The following GPM6A variants were observed in gnomAD, a reference collection of about 807,000 sequenced individuals.
GPM6A encodes glycoprotein M6A, also known as neuronal membrane glycoprotein M6-a.
A neutral mutation model predicts 32.1 loss-of-function variants in GPM6A; 7 were observed. The ratio of observed to expected loss-of-function variants is 0.22; its 90% CI spans 0.12 to 0.41. The LOEUF (loss-of-function observed/expected upper bound fraction) is 0.41. Among genes scored for constraint, GPM6A ranks in the 10% least tolerant of loss-of-function variants. GPM6A has a pLI of 1.00. For missense variants in GPM6A, 235 were observed against 347.2 expected (o/e 0.68, Z 2.57); for synonymous variants, 130 against 123.4 (o/e 1.05, Z -0.35).
chr4:175,791,522 C>T (rs1223585562), intron 1 of GPM6A, among the ~76,000 whole-genome samples: 1 of 152,000 alleles, frequency 6.6e-6, no homozygotes, highest in African/African-American at 2.4e-5. Flanking sequence ...ATAAATGTCC[C>T]TATATGTAAA....
intron 1 of GPM6A, among the ~76,000 whole-genome samples, chr4:175,826,295 C>T (rs988678782): frequency 2.6e-5 from 4 of 151,658 alleles, no homozygotes; most frequent in African/African-American, 9.7e-5. Flanking sequence ...TTCTCTCTCT[C>T]TCTCTCTCTC....
At chr4:175,867,802 A>G (rs966432373) in intron 1 of GPM6A, among the ~76,000 whole-genome samples, 5 of 152,206 alleles carry the variant, frequency 3.3e-5, no homozygotes, top group Non-Finnish European at 7.3e-5. Flanking sequence ...ATGAAAGGCT[A>G]CAGCCGATTG....
intron 1 of GPM6A, among the ~76,000 whole-genome samples, chr4:175,970,224 G>C (rs921886155): frequency 6.6e-6 from 1 of 152,036 alleles, no homozygotes. Context: ...TGATTTTTTG[G>C]CTTTTAAACA....
intron 1 of GPM6A, among the ~76,000 whole-genome samples, chr4:175,731,204 C>T (rs1295892815): frequency 1.3e-5 from 2 of 152,172 alleles, no homozygotes; most frequent in African/African-American, 4.8e-5. Flanking sequence ...ACTCTTTGTT[C>T]TGTGGCCCCT....
chr4:175,903,316 GATAA>G (rs1327720032), intron 1 of GPM6A, among the ~76,000 whole-genome samples: 1 of 151,722 alleles, frequency 6.6e-6, no homozygotes, highest in Non-Finnish European at 1.5e-5. Context: ...TAAATTAATA[GATAA>G]ATAAATAGAA....
At chr4:175,889,078 G>A (rs1386896384) in intron 1 of GPM6A, among the ~76,000 whole-genome samples, 1 of 152,056 alleles carries the variant, frequency 6.6e-6, no homozygotes, top group Non-Finnish European at 1.5e-5. Flanking sequence ...AAACTATATG[G>A]TTAAAATGGA....
intron 1 of GPM6A, among the ~76,000 whole-genome samples, chr4:175,916,212 A>G (rs933265441): frequency 2.0e-5 from 3 of 152,040 alleles, no homozygotes; most frequent in Admixed American, 6.6e-5. Flanking sequence ...CTTCTTCCCT[A>G]TTTGTTTTCT....
Position 175,800,782 on chromosome 4 carries a change from G to A in GPM6A, c.37+11409C>T, listed in dbSNP as rs141431707. The A allele has an allele frequency of 1.1e-3, 221 of 196,686 alleles. 2 individuals are homozygous for A. Among genetic ancestry groups the A allele is most frequent in the Middle Eastern group, 5.5e-3 (3 of 548 alleles). The allele number at this position is 196,686 out of a possible 1,614,324, so 12.2% of individuals were successfully genotyped here. On this transcript the variant is annotated intron_variant, in intron 1 of 6. Coordinates refer to ENST00000393658, the MANE Select transcript of GPM6A (RefSeq NM_201591.3). ...TTTTTCCCTTAAGGACCACAAAACAGCCTTGTAAACTCATCCTAGAGGATC... is the reference window on the plus strand; with the variant it reads ...TTTTTCCCTTAAGGACCACAAAACAACCTTGTAAACTCATCCTAGAGGATC...
At chr4:175,747,184 C>T (rs754951260) in intron 1 of GPM6A, among the ~76,000 whole-genome samples, 10 of 147,864 alleles carry the variant, frequency 6.8e-5, no homozygotes, top group Non-Finnish European at 1.2e-4. Flanking sequence ...GCAGGAGAAT[C>T]GCTTGAACCG....
chr4:175,987,954 G>A (rs1741028564), intron 1 of GPM6A, among the ~76,000 whole-genome samples: 1 of 152,022 alleles, frequency 6.6e-6, no homozygotes, highest in Non-Finnish European at 1.5e-5. Flanking sequence ...GAGGTTTTAT[G>A]TAAGCAGAAA....
At chr4:175,730,578 CT>C (rs1303792112) in intron 1 of GPM6A, among the ~76,000 whole-genome samples, 1 of 152,052 alleles carries the variant, frequency 6.6e-6, no homozygotes, top group Non-Finnish European at 1.5e-5. Context: ...TCACGCCATT[CT>C]CCTGCCTCAG....
chr4:175,771,325 G>A (rs965194856), intron 1 of GPM6A, among the ~76,000 whole-genome samples: 1 of 151,966 alleles, frequency 6.6e-6, no homozygotes, highest in Non-Finnish European at 1.5e-5. Flanking sequence ...GTAATCCCAG[G>A]ACTTTTGGGA....
At chr4:175,832,128 C>CCCTT in intron 1 of GPM6A, among the ~76,000 whole-genome samples, 1 of 8,906 alleles carries the variant, frequency 1.1e-4, no homozygotes. Flanking sequence ...AACTCCCTGG[C>CCCTT]TCTTTGGTTC....
At chr4:175,640,355 T>TC (rs1741069089) in intron 5 of GPM6A, among the ~76,000 whole-genome samples, 161 bp from the exon 6 acceptor site, 1 of 152,206 alleles carries the variant, frequency 6.6e-6, no homozygotes, top group African/African-American at 2.4e-5. Flanking sequence ...CAATATATTT[T>TC]CCCCTGCAAA....
At chr4:175,988,865 T>C (rs1212192026) in intron 1 of GPM6A, among the ~76,000 whole-genome samples, 1 of 152,124 alleles carries the variant, frequency 6.6e-6, no homozygotes, top group Non-Finnish European at 1.5e-5. Context: ...TTGTTGTCAA[T>C]GTTAAAAGAG....
chr4:175,844,624 T>C (rs1433789630), intron 1 of GPM6A, among the ~76,000 whole-genome samples: 1 of 152,182 alleles, frequency 6.6e-6, no homozygotes, highest in African/African-American at 2.4e-5. Flanking sequence ...TAAAATCCAA[T>C]ATTATTAGAG....
intron 1 of GPM6A, among the ~76,000 whole-genome samples, chr4:175,861,749 G>GAAAAAAAAAAAAAAAAAAAAA (rs10716525): frequency 2.3e-5 from 2 of 87,242 alleles, no homozygotes; most frequent in Non-Finnish European, 4.4e-5. Flanking sequence ...AAGAGACTCT[G>GAAAAAAAAAAAAAAAAAAAAA]AAAAAAAAAA....
At position 175,673,743 on chromosome 4, in the gene GPM6A, C is replaced by G; in HGVS notation, c.324G>C (p.Gly108=). The G allele has an allele frequency of 6.2e-7, 1 of 1,612,826 alleles. No homozygotes were observed. The highest frequency in any genetic ancestry group is 8.5e-7 in the Non-Finnish European group (1 of 1,179,092). Residue 108 remains glycine (G), a synonymous_variant, in exon 3 of 7, where the codon GGG becomes GGC. Transcript: ENST00000393658. The part of the protein sequence containing the change: ...LLMVEGFFTT[G]AIKDLYGDFK... ...AATCCCCATAGAGATCTTTGATGGC[C>G]CCAGTTGTGAAGAAACCTTCCACCA... is the stretch of plus-strand genomic sequence containing the variant.
chr4:175,938,971 A>G (rs1433983538), intron 1 of GPM6A, among the ~76,000 whole-genome samples: 3 of 152,222 alleles, frequency 2.0e-5, no homozygotes, highest in Non-Finnish European at 2.9e-5. Context: ...GCCAAAATCC[A>G]TAATCAATCT....
Sources: allele counts gnomAD v4.1 joint callset (sites outside exome capture counted in the v4.1 genomes callset), GRCh38; gene constraint gnomAD v4.1.1; transcripts MANE v1.5; gene names NCBI Gene and HGNC (gene_info 2026-07-23, HGNC 2026-07-21).